Variants in ADGRG1 observed in about 807,000 individuals in gnomAD.
The protein encoded by ADGRG1 is adhesion G protein-coupled receptor G1.
In ADGRG1, 53 loss-of-function variants were observed where a neutral mutation model predicts 73.5. That is an observed-to-expected ratio of 0.72 (90% CI 0.58 to 0.91). The LOEUF (loss-of-function observed/expected upper bound fraction) is 0.91, where lower values mean the gene tolerates loss of function less well. Among genes scored for constraint, ADGRG1 ranks in the 40% least tolerant of loss-of-function variants. The pLI, the probability that ADGRG1 is intolerant of heterozygous loss-of-function variation, is 0.00. For missense variants in ADGRG1, 795 were observed against 871.8 expected (o/e 0.91, Z 1.11); for synonymous variants, 394 against 374.4 (o/e 1.05, Z -0.60).
intron 1 of ADGRG1, among the ~76,000 whole-genome samples, chr16:57,644,657 CAT>C (rs1389658374): frequency 1.4e-5 from 2 of 138,292 alleles, no homozygotes; most frequent in Non-Finnish European, 3.0e-5. Context: ...CACGCACACT[CAT>C]CACACACTCC....
chr16:57,647,174 C>T (rs1188485150), intron 1 of ADGRG1: 7 of 985,248 alleles, frequency 7.1e-6, no homozygotes, highest in Non-Finnish European at 8.4e-6. Context: ...CAGTGTCCCC[C>T]TGCCCAATCT....
chr16:57,637,546 TC>T (rs1328805110), intron 1 of ADGRG1: 2 of 985,306 alleles, frequency 2.0e-6, no homozygotes, highest in African/African-American at 3.5e-5. Context: ...GGCCGCCTTC[TC>T]CGGCCAGCAA....
At chr16:57,643,582 G>T in intron 1 of ADGRG1, 1 of 985,170 alleles carries the variant, frequency 1.0e-6, no homozygotes, top group South Asian at 4.7e-5. Flanking sequence ...TGTCCAGCAG[G>T]TCTGGTGTAA....
chr16:57,632,680 G>T, intron 1 of ADGRG1: 1 of 609,496 alleles, frequency 1.6e-6, no homozygotes, highest in Non-Finnish European at 2.1e-6. Context: ...AGTGTGGTGG[G>T]CGTCGGGCTC....
chr16:57,656,640 C>A, intron 9 of ADGRG1, 23 bp downstream of exon 9: 1 of 1,367,492 alleles, frequency 7.3e-7, no homozygotes, highest in Non-Finnish European at 1.0e-6. Flanking sequence ...GCTCCCACCT[C>A]GCAGCCACAC....
At chr16:57,634,053 G>T (rs2038723326) in intron 1 of ADGRG1, 2 of 984,404 alleles carry the variant, frequency 2.0e-6, no homozygotes, top group East Asian at 2.3e-4. Flanking sequence ...AGGACCAGAG[G>T]CCATGGCCCT....
At chr16:57,629,978 G>T (rs1164411732) in intron 1 of ADGRG1, 1 of 984,912 alleles carries the variant, frequency 1.0e-6, no homozygotes, top group Non-Finnish European at 1.2e-6. Context: ...CACCAATGTG[G>T]AGCAGTTGTA....
chr16:57,635,309 C>G, intron 1 of ADGRG1: 3 of 985,366 alleles, frequency 3.0e-6, no homozygotes, highest in Non-Finnish European at 3.6e-6. Context: ...GCCACACCTT[C>G]TGGGGGACTC....
At chr16:57,651,045 T>C in intron 2 of ADGRG1, 155 bp from the exon 3 acceptor site, 1 of 1,549,518 alleles carries the variant, frequency 6.5e-7, no homozygotes, top group Non-Finnish European at 8.7e-7. Flanking sequence ...CTGATAAGTT[T>C]TGAGTGGGAA....
chr16:57,650,346 T>A lies in ADGRG1; in HGVS notation c.59T>A (p.Val20Asp). 6.2e-7 allele frequency: 1 copy of A among 1,612,310 alleles called. No homozygotes were observed. The highest frequency in any genetic ancestry group is 1.1e-5 in the South Asian group (1 of 91,030). The change falls in exon 2 of 14, where the codon GTC becomes GAC. Residue 20 changes from valine to aspartate, a missense_variant. By Grantham distance (152) the Val-to-Asp change is radical. Transcript: ENST00000562631. ...TTCCTGCTGAGTCTGCTCTTCCTGGTCCAAGGCAGGTCTTCCCAGGGGTGC... is the reference window on the plus strand; with the variant it reads ...TTCCTGCTGAGTCTGCTCTTCCTGGACCAAGGCAGGTCTTCCCAGGGGTGC... ...TLFLLSLLFL[V>D]QGAHGRGHRE...
At chr16:57,651,942 G>A (rs951328391) in intron 3 of ADGRG1, 147 of 1,328,102 alleles carry the variant, frequency 1.1e-4, no homozygotes, top group Non-Finnish European at 1.4e-4. Context: ...TCTGAATAGG[G>A]TGAGAGAGCA....
Position 57,645,292 on chromosome 16 carries a change from C to T in ADGRG1, c.-35-4961C>T, listed in dbSNP as rs529147059. The T allele has an allele frequency of 1.5e-4, 145 of 985,442 alleles. No individual in the cohort carries two copies. In the African/African-American group the frequency reaches 2.4e-3, roughly 16 times the overall value. 61.0% of individuals were successfully genotyped at this position (985,442 alleles called of 1,614,324 possible). A position where few individuals can be genotyped will look rare whatever the true frequency, so the allele number is the denominator to read the frequency against. On this transcript the variant is annotated intron_variant, in intron 1 of 13. Transcript: ENST00000562631. ...AGGGCCCATTTAAGGGGAAGGCCTC[C>T]AGGTGGGCAAGACTAGGCTGGAACC...
At chr16:57,625,514 T>C, upstream of ADGRG1, 1 of 967,744 alleles carries the variant, frequency 1.0e-6, no homozygotes, top group Non-Finnish European at 1.2e-6. Flanking sequence ...TCTGCCTCCT[T>C]CGAGGCCCCA....
At chr16:57,640,423 T>C (rs1211945554) in intron 1 of ADGRG1, among the ~76,000 whole-genome samples, 1 of 152,098 alleles carries the variant, frequency 6.6e-6, no homozygotes, top group African/African-American at 2.4e-5. Context: ...GTTGAGTGGG[T>C]GTGATGGTAC....
chr16:57,629,817 G>A (rs2037229310), intron 1 of ADGRG1, among the ~76,000 whole-genome samples: 1 of 152,192 alleles, frequency 6.6e-6, no homozygotes, highest in Admixed American at 6.5e-5. Context: ...GGAGTGTGTA[G>A]GAAACCAATG....
intron 1 of ADGRG1, among the ~76,000 whole-genome samples, chr16:57,637,904 T>C (rs1265072760): frequency 6.6e-6 from 1 of 152,200 alleles, no homozygotes; most frequent in African/African-American, 2.4e-5. Flanking sequence ...AGAAAGTGCT[T>C]GTAGCTGGTT....
chr16:57,632,903 TG>T, intron 1 of ADGRG1: 1 of 985,442 alleles, frequency 1.0e-6, no homozygotes, highest in Non-Finnish European at 1.2e-6. Flanking sequence ...CTGCGGTGAA[TG>T]GCTCTGGCTT....
chr16:57,655,834 G>A, intron 6 of ADGRG1, 42 bp from the exon 7 acceptor site: 1 of 1,613,942 alleles, frequency 6.2e-7, no homozygotes, highest in African/African-American at 1.3e-5. Context: ...TCTCAGTCCT[G>A]AACTCCCTCC....
chr16:57,654,175 C>T (rs371373555), intron 5 of ADGRG1, 42 bp downstream of exon 5: 28 of 1,593,544 alleles, frequency 1.8e-5, no homozygotes, highest in Admixed American at 5.0e-5. Flanking sequence ...CGGGTTGGGC[C>T]GGGGCCAGAT....
Sources: gnomAD v4.1 joint callset for allele counts (sites outside exome capture counted in the v4.1 genomes callset) on GRCh38, gnomAD v4.1.1 for gene constraint, MANE v1.5 for transcripts, NCBI Gene and HGNC (gene_info 2026-07-23, HGNC 2026-07-21) for gene names.